The following ESCO2 variants were observed in gnomAD, a reference collection of about 807,000 sequenced individuals.
The protein encoded by ESCO2 is N-acetyltransferase ESCO2.
A neutral mutation model predicts 61.7 loss-of-function variants in ESCO2; 51 were observed. The ratio of observed to expected loss-of-function variants is 0.83; its 90% confidence interval spans 0.66 to 1.04. The LOEUF (loss-of-function observed/expected upper bound fraction) is 1.04, where lower values mean the gene tolerates loss of function less well. Ranked by LOEUF, ESCO2 falls within the 50% of genes least tolerant of loss-of-function variation. The pLI is 0.00. For missense variants in ESCO2, 692 were observed against 686.2 expected, an observed-to-expected ratio of 1.01 and a Z score of -0.09; for synonymous variants, 230 against 238.2, an observed-to-expected ratio of 0.97 and a Z score of 0.32.
rs374681369 is a variant in ESCO2 at position 27,784,100 on chromosome 8, T to C, written c.1013+43T>C. 191 of 1,578,126 alleles carry C rather than the reference T, an allele frequency of 1.2e-4. 1 individual carries two copies. The highest frequency in any genetic ancestry group is 1.6e-4 in the Non-Finnish European group (185 of 1,147,814). On this transcript the variant is annotated intron_variant, in intron 5 of 10. Coordinates refer to ENST00000305188, the MANE Select transcript of ESCO2 (RefSeq NM_001017420.3). ...TTTAAAGTCCAAGCCTTGTAAATTA[T>C]ACAGTTCCTCTGGGTCTCTTTTTCA... is the stretch of plus-strand genomic sequence containing the variant.
rs1805213671 is a variant in ESCO2 at position 27,793,070 on chromosome 8, TAAAC to T, written c.1497+263_1497+266del. Among the ~76,000 whole-genome samples the T allele has an allele frequency of 3.3e-5, 5 of 152,218 alleles. No individual in the cohort carries two copies. In the South Asian group the frequency reaches 1.0e-3, roughly 31 times the overall value. ...GATTATAAAGTCTAGTGATTTTAAG[TAAAC>T]AAATCTATAAACTGAAATTTTTAAA... On this transcript the variant is annotated intron_variant, in intron 9 of 10. Transcript: ENST00000305188.
rs1805201479 is a variant in ESCO2, at chr8:27,792,589, C to T, written c.1354-79C>T. 5 of 1,391,352 alleles carry T rather than the reference C, an allele frequency of 3.6e-6. No homozygotes were observed. In the African/African-American group the frequency reaches 4.4e-5, roughly 12 times the overall value. The allele number at this position is 1,391,352 out of a possible 1,614,324, so 86.2% of individuals were successfully genotyped here. On this transcript the variant is annotated intron_variant, in intron 8 of 10. Coordinates refer to ENST00000305188, the MANE Select transcript of ESCO2 (RefSeq NM_001017420.3). ...AGAGGCTAAAGTAACAGTAATCATA[C>T]ATTCTGTGTATATAAATATGTATAG... is the stretch of plus-strand genomic sequence containing the variant.
At chr8:27,799,288 A>G (rs1012885248) in intron 9 of ESCO2, among the ~76,000 whole-genome samples, 2 of 152,134 alleles carry the variant, frequency 1.3e-5, no homozygotes, top group African/African-American at 4.8e-5. Flanking sequence ...GAAGAGTCTA[A>G]TGTTTACAAT....
downstream of ESCO2, chr8:27,810,869 T>C: frequency 1.2e-6 from 1 of 849,530 alleles, no homozygotes; most frequent in Non-Finnish European, 1.9e-6. Flanking sequence ...CAGTCATCAG[T>C]ACTAATACAT....
intron 3 of ESCO2, chr8:27,779,967 A>G (rs1264131608): frequency 4.0e-6 from 2 of 500,484 alleles, no homozygotes; most frequent in Non-Finnish European, 7.3e-6. Context: ...GCCCTGCTGT[A>G]CTCTGGCTTT....
rs201194009 is a variant in ESCO2 at position 27,777,030 on chromosome 8, T to C, written c.722T>C (p.Ile241Thr). The C allele has an allele frequency of 9.7e-5, 157 of 1,611,422 alleles. No homozygotes were observed. The highest frequency in any genetic ancestry group is 6.6e-4 in the Middle Eastern group (4 of 6,052). Reference protein sequence around the residue: ...GRTQKSKSEVIEDSDVETVSE... With the variant: ...GRTQKSKSEVTEDSDVETVSE... ...ACCCAAAAGAGTAAATCAGAAGTCA[T>C]TGAAGATTCTGATGTAGAGACTGTC... The change falls in exon 3 of 11, where the codon ATT becomes ACT. Residue 241 changes from isoleucine (I) to threonine (T), a missense_variant. Coordinates refer to ENST00000305188, the MANE Select transcript of ESCO2 (RefSeq NM_001017420.3).
rs895211610 is a variant in ESCO2, at chr8:27,805,271, G to A, written c.*1833G>A. 2.6e-5 allele frequency: 2 copies of A among 77,600 alleles called. 1 individual carries two copies. The highest frequency in any genetic ancestry group is 3.7e-4 in the Admixed American group (2 of 5,424). The allele number at this position is 77,600 out of a possible 1,614,324, so 4.8% of individuals were successfully genotyped here. ...AGTCCGCAGTCCGGCCTGGGCGACA[G>A]AGCGAGACTCCGTCTCAAAAAAAAA... On this transcript the variant is annotated 3_prime_UTR_variant, in exon 11 of 11. Transcript: ENST00000305188.
In ESCO2 at chr8:27,775,479, G is replaced by A; in HGVS notation, c.-16-20G>A. Reference sequence around the variant, plus strand: ...GATTTTTAATATTTTGATGAATGTGGTTATTGTCATTTCTTTTAGGAATTC... The same window carrying A: ...GATTTTTAATATTTTGATGAATGTGATTATTGTCATTTCTTTTAGGAATTC... On this transcript the variant is annotated intron_variant, in intron 1 of 10. Transcript: ENST00000305188. 1.3e-6 allele frequency: 2 copies of A among 1,592,002 alleles called. No homozygotes were observed. Among genetic ancestry groups the A allele is most frequent in the Non-Finnish European group, 1.7e-6 (2 of 1,159,908 alleles).
At position 27,803,862 on chromosome 8, in the gene ESCO2, G is replaced by A; in HGVS notation, c.*424G>A. 1 of 990,284 alleles carries A rather than the reference G, an allele frequency of 1.0e-6. No individual in the cohort carries two copies. Among genetic ancestry groups the A allele is most frequent in the Non-Finnish European group, 1.2e-6 (1 of 833,798 alleles). 61.3% of individuals were successfully genotyped at this position (990,284 alleles called of 1,614,324 possible). A position where few individuals can be genotyped will look rare whatever the true frequency, so the allele number is the denominator to read the frequency against. On this transcript the variant is annotated 3_prime_UTR_variant, in exon 11 of 11. Transcript: ENST00000305188. Reference sequence around the variant, plus strand: ...AAGCAAACAGGCAAATTTAAACTTGGGCAAGTAATTTCTGTGCCCAATTTG... The same window carrying A: ...AAGCAAACAGGCAAATTTAAACTTGAGCAAGTAATTTCTGTGCCCAATTTG...
intron 10 of ESCO2, among the ~76,000 whole-genome samples, chr8:27,802,630 A>ATATATATATATATATATATATAT (rs1358714847): frequency 2.2e-5 from 1 of 45,822 alleles, no homozygotes; most frequent in Non-Finnish European, 3.5e-5. Context: ...AAAAAAAAAA[A>ATATATATATATATATATATATAT]ATATATATAT....
downstream of ESCO2, among the ~76,000 whole-genome samples, chr8:27,807,289 C>T (rs944656155): frequency 6.6e-6 from 1 of 152,086 alleles, no homozygotes; most frequent in Non-Finnish European, 1.5e-5. Flanking sequence ...TCTGTCTATT[C>T]CTAGGTTTCT....
chr8:27,795,356 T>C (rs900453639), intron 9 of ESCO2, among the ~76,000 whole-genome samples: 1 of 152,214 alleles, frequency 6.6e-6, no homozygotes, highest in African/African-American at 2.4e-5. Flanking sequence ...CTACTGACTT[T>C]TGTATGTTGA....
chr8:27,792,341 G>T, intron 8 of ESCO2, among the ~76,000 whole-genome samples: 1 of 152,078 alleles, frequency 6.6e-6, no homozygotes, highest in East Asian at 1.9e-4. Flanking sequence ...TATTGGTGTT[G>T]CTTGTGTTTC....
chr8:27,815,926 G>C (rs1010885830), downstream of ESCO2, among the ~76,000 whole-genome samples: 2 of 152,140 alleles, frequency 1.3e-5, no homozygotes. Context: ...TAAACTAATG[G>C]TTCAGTCATT....
In ESCO2 at chr8:27,799,588, T is replaced by C. The variant is rs1563480736; in HGVS notation, c.1545T>C (p.Ser515=). ...SEPIGPESPS[S]TECPRAWQCS... ...CAATTGGTCCAGAATCCCCAAGCTC[T>C]ACGGAATGTCCTAGGGCTTGGCAAT... The change falls in exon 10 of 11, where the codon TCT becomes TCC. Residue 515 remains serine, a synonymous_variant. Coordinates refer to ENST00000305188, the MANE Select transcript of ESCO2 (RefSeq NM_001017420.3). 1 of 1,614,028 alleles carries C rather than the reference T, an allele frequency of 6.2e-7. No individual in the cohort carries two copies.
At chr8:27,781,849 G>C (rs780943761) in intron 4 of ESCO2, among the ~76,000 whole-genome samples, 2 of 152,058 alleles carry the variant, frequency 1.3e-5, no homozygotes, top group Non-Finnish European at 2.9e-5. Flanking sequence ...CTTGTGCCTG[G>C]CCCTAAGCAC....
downstream of ESCO2, chr8:27,810,818 A>G (rs1805662778): frequency 1.5e-6 from 1 of 651,514 alleles, no homozygotes; most frequent in Admixed American, 2.8e-5. Context: ...TTCTCAATCT[A>G]TGTCTCATTT....
At position 27,792,747 on chromosome 8, in the gene ESCO2, C is replaced by T. The variant is rs1563477300; in HGVS notation, c.1433C>T (p.Thr478Ile). The T allele has an allele frequency of 1.2e-6, 2 of 1,611,026 alleles. No homozygotes were observed. The highest frequency in any genetic ancestry group is 1.3e-5 in the African/African-American group (1 of 74,816). The change falls in exon 9 of 11, where the codon ACT (threonine) becomes ATT (isoleucine). Residue 478 changes from threonine to isoleucine, a missense_variant. Coordinates refer to ENST00000305188, the MANE Select transcript of ESCO2 (RefSeq NM_001017420.3). ...CCTAAATGTCCAAACAAAATAAAAACTTTTCTTTTTATATCTGATGAAAAG... is the reference window on the plus strand; with the variant it reads ...CCTAAATGTCCAAACAAAATAAAAATTTTTCTTTTTATATCTGATGAAAAG... ...VVPKCPNKIKTFLFISDEKRV... is the reference protein window; with the variant it reads ...VVPKCPNKIKIFLFISDEKRV...
At chr8:27,808,314 T>A (rs1165832099), downstream of ESCO2, 1 of 741,178 alleles carries the variant, frequency 1.3e-6, no homozygotes, top group Non-Finnish European at 1.8e-6. Context: ...TTCTACAGAT[T>A]CTAAAGGGAA....
Sources: allele counts gnomAD v4.1 joint callset (sites outside exome capture counted in the v4.1 genomes callset), GRCh38; gene constraint gnomAD v4.1.1; transcripts MANE v1.5; gene names NCBI Gene and HGNC (gene_info 2026-07-23, HGNC 2026-07-21).